XIRP2: variants seen among roughly 807,000 people sequenced by gnomAD.
The protein encoded by XIRP2 is xin actin-binding repeat-containing protein 2.
A neutral mutation model predicts 277.0 loss-of-function variants in XIRP2; 236 were observed. The observed-to-expected ratio is 0.85, with a 90% confidence interval of 0.77 to 0.95. XIRP2 has a LOEUF of 0.95. Ranked by LOEUF, XIRP2 falls within the 40% of genes least tolerant of loss-of-function variation. The pLI is 0.00. For missense variants in XIRP2, 4,640 were observed against 4,157.5 expected (o/e 1.12, Z -3.19); for synonymous variants, 1,490 against 1,416.5 (o/e 1.05, Z -1.17).
chr2:167,241,669 CAAAGTATTGGGATTACAGGAATG>C, intron 7 of XIRP2, 85 bp from the exon 8 acceptor site: 1 of 1,313,930 alleles, frequency 7.6e-7, no homozygotes, highest in Non-Finnish European at 1.0e-6. Context: ...CTCAGTCTCC[CAAAGTATTGGGATTACAGGAATG>C]AGCCACCATG....
intron 5 of XIRP2, among the ~76,000 whole-genome samples, chr2:167,223,184 C>G (rs998239236): frequency 2.0e-5 from 3 of 152,014 alleles, no homozygotes; most frequent in African/African-American, 7.2e-5. Flanking sequence ...TGTGAAGCCC[C>G]AGAAGCTTCT....
rs565937699 is a variant in XIRP2 at position 167,020,076 on chromosome 2, T to C, written c.409-115833T>C. Among the ~76,000 whole-genome samples the C allele has an allele frequency of 2.6e-5, 4 of 152,176 alleles. No individual in the cohort carries two copies. The East Asian group carries it at 7.8e-4, about 29-fold the overall frequency. ...GAAGACCATAATCAAAACTTTACAC[T>C]AATCAACTTGTTTCAATCTAAATTA... is the stretch of plus-strand genomic sequence containing the variant. On this transcript the variant is annotated intron_variant, in intron 2 of 10. Coordinates refer to ENST00000409195, the MANE Select transcript of XIRP2 (RefSeq NM_152381.6).
intron 2 of XIRP2, among the ~76,000 whole-genome samples, chr2:167,099,671 GC>G (rs1313040859): frequency 1.3e-5 from 2 of 152,248 alleles, no homozygotes; most frequent in Middle Eastern, 3.4e-3. Flanking sequence ...TCTGTGGGTT[GC>G]ACAGACCGTG....
chr2:167,011,385 T>G (rs1282671423), intron 2 of XIRP2, among the ~76,000 whole-genome samples: 1 of 150,896 alleles, frequency 6.6e-6, no homozygotes, highest in Non-Finnish European at 1.5e-5. Flanking sequence ...TATTGATTTG[T>G]GTATATTGAA....
At chr2:167,201,248 AAGAAAGAAAGAAAGAGAG>A (rs1166273682) in intron 3 of XIRP2, among the ~76,000 whole-genome samples, 8 of 75,928 alleles carry the variant, frequency 1.1e-4, no homozygotes, top group African/African-American at 5.5e-4. Context: ...GAAAGAAAGA[AAGAAAGAAAGAAAGAGAG>A]AGGGAGAAAG....
Position 167,245,228 on chromosome 2 carries a change from T to C in XIRP2, c.3836T>C (p.Phe1279Ser). The change falls in exon 9 of 11, where the codon TTT (phenylalanine) becomes TCT (serine). Residue 1279 changes from phenylalanine (F) to serine (S), a missense_variant. Coordinates refer to ENST00000409195, the MANE Select transcript of XIRP2 (RefSeq NM_152381.6). ...GATGTAAGAAAGGGGTGCTTTATTT[T>C]TGAGACTTTTTCTTTAGATGAGATT... is the stretch of plus-strand genomic sequence containing the variant. ...GGDVRKGCFI[F>S]ETFSLDEIKE... The C allele has an allele frequency of 1.9e-6, 3 of 1,613,758 alleles. 1 individual carries two copies. Among genetic ancestry groups the C allele is most frequent in the Non-Finnish European group, 2.5e-6 (3 of 1,179,748 alleles).
intron 2 of XIRP2, among the ~76,000 whole-genome samples, chr2:167,017,906 A>C (rs1047928457): frequency 6.6e-6 from 1 of 151,958 alleles, no homozygotes; most frequent in Non-Finnish European, 1.5e-5. Context: ...CATGACCTTA[A>C]CAGAAAAGAC....
intron 2 of XIRP2, among the ~76,000 whole-genome samples, chr2:166,963,562 T>TA (rs1686351932): frequency 6.6e-6 from 1 of 151,872 alleles, no homozygotes; most frequent in Admixed American, 6.6e-5. Flanking sequence ...TAAGAAAAGA[T>TA]ATTTGAGCAG....
chr2:167,058,279 G>A (rs1388639447), intron 2 of XIRP2, among the ~76,000 whole-genome samples: 2 of 151,834 alleles, frequency 1.3e-5, no homozygotes, highest in Non-Finnish European at 2.9e-5. Context: ...TTTAGACGGG[G>A]TTTCGCCATG....
At chr2:167,085,093 T>G (rs1347472236) in intron 2 of XIRP2, among the ~76,000 whole-genome samples, 2 of 143,522 alleles carry the variant, frequency 1.4e-5, no homozygotes, top group African/African-American at 2.5e-5. Flanking sequence ...GCTATAAATT[T>G]CCCTCTACAC....
chr2:167,251,922 C>T lies in XIRP2; in HGVS notation c.10530C>T (p.Phe3510=), dbSNP rs138155769. Residue 3510 remains phenylalanine (F), a synonymous_variant, in exon 9 of 11, where the codon TTC becomes TTT. Coordinates refer to ENST00000409195, the MANE Select transcript of XIRP2 (RefSeq NM_152381.6). ...CTGCAACTGAGATGAGAACCACCTT[C>T]CAAGAGGAATCTGCATTTATAAGTG... ...DASATEMRTT[F]QEESAFISEA... The T allele has an allele frequency of 4.5e-6, 7 of 1,564,676 alleles. No homozygotes were observed. The highest frequency in any genetic ancestry group is 6.0e-6 in the Non-Finnish European group (7 of 1,161,698).
chr2:167,026,866 C>T (rs1284562004), intron 2 of XIRP2, among the ~76,000 whole-genome samples: 3 of 152,040 alleles, frequency 2.0e-5, no homozygotes, highest in Non-Finnish European at 2.9e-5. Flanking sequence ...GAGTTTCTGC[C>T]GAGATCCGCT....
At chr2:166,903,294 A>G (rs942723646) in intron 1 of XIRP2, among the ~76,000 whole-genome samples, 171 bp from the exon 2 acceptor site, 2 of 152,088 alleles carry the variant, frequency 1.3e-5, no homozygotes, top group African/African-American at 4.8e-5. Flanking sequence ...TAACTTACAT[A>G]ACGTTGTGGG....
chr2:167,142,473 G>T lies in XIRP2; in HGVS notation c.562+6411G>T, dbSNP rs960779976. Reference sequence around the variant, plus strand: ...TGAGGCAGGAAAATGGCTTGAACCCGGGAGGTGGAGGTTGCAGTGAGCTGA... The same window carrying T: ...TGAGGCAGGAAAATGGCTTGAACCCTGGAGGTGGAGGTTGCAGTGAGCTGA... On this transcript the variant is annotated intron_variant, in intron 3 of 10. Coordinates refer to ENST00000409195, the MANE Select transcript of XIRP2 (RefSeq NM_152381.6). Among the ~76,000 whole-genome samples the T allele has an allele frequency of 1.8e-4, 27 of 151,910 alleles. No homozygotes were observed. In the East Asian group the frequency reaches 2.5e-3, roughly 14 times the overall value.
Position 167,152,882 on chromosome 2 carries a change from G to T in XIRP2, c.562+16820G>T, listed in dbSNP as rs115056451. 8.6e-3 allele frequency among the ~76,000 whole-genome samples: 1,306 copies of T among 152,190 alleles called. 10 individuals carry two copies. The highest frequency in any genetic ancestry group is 0.017 in the Middle Eastern group (5 of 294). ...TAGGTGTCTTTTCTAAAAGGTGGGT[G>T]GTTCTGTACCACAGGCATTAAAGTC... On this transcript the variant is annotated intron_variant, in intron 3 of 10. Transcript: ENST00000409195.
At chr2:167,043,172 A>T (rs576536113) in intron 2 of XIRP2, among the ~76,000 whole-genome samples, 1 of 152,278 alleles carries the variant, frequency 6.6e-6, no homozygotes, top group South Asian at 2.1e-4. Flanking sequence ...TTTCTCGGAT[A>T]CAGCTAAAGC....
chr2:167,251,358 T>A lies in XIRP2; in HGVS notation c.9966T>A (p.Ala3322=). 2 of 1,613,568 alleles carry A rather than the reference T, an allele frequency of 1.2e-6. No homozygotes were observed. Among genetic ancestry groups the A allele is most frequent in the Non-Finnish European group, 1.7e-6 (2 of 1,179,664 alleles). The change falls in exon 9 of 11, where the codon GCT becomes GCA. Residue 3322 remains alanine, a synonymous_variant. Coordinates refer to ENST00000409195, the MANE Select transcript of XIRP2 (RefSeq NM_152381.6). ...YEAANRTVQM[A]ENFVNDPENE... ...CGGCCAACCGAACTGTTCAAATGGC[T>A]GAAAATTTCGTGAATGACCCTGAAA...
At chr2:167,050,733 C>G (rs1688893160) in intron 2 of XIRP2, among the ~76,000 whole-genome samples, 1 of 150,450 alleles carries the variant, frequency 6.6e-6, no homozygotes. Flanking sequence ...GAGGAGGAAA[C>G]AGAAAATGGG....
intron 5 of XIRP2, among the ~76,000 whole-genome samples, chr2:167,219,286 CTT>C (rs948847854): frequency 1.3e-5 from 2 of 152,014 alleles, no homozygotes; most frequent in Non-Finnish European, 2.9e-5. Context: ...CTAAAGGAAA[CTT>C]AATATAAATA....
Sources: allele counts gnomAD v4.1 joint callset (sites outside exome capture counted in the v4.1 genomes callset), GRCh38; gene constraint gnomAD v4.1.1; transcripts MANE v1.5; gene names NCBI Gene and HGNC (gene_info 2026-07-23, HGNC 2026-07-21).